The following ABHD10 variants were observed in gnomAD, a reference collection of about 807,000 sequenced individuals.
The protein encoded by ABHD10 is abhydrolase domain containing 10, depalmitoylase, also known as palmitoyl-protein thioesterase ABHD10, mitochondrial.
Under a neutral mutation model 33.1 loss-of-function variants are expected in ABHD10, and 22 were observed. That is an observed-to-expected ratio of 0.66 (90% CI 0.47 to 0.95). The LOEUF is 0.95. ABHD10 is among the 40% of genes least tolerant of loss of function. ABHD10 has a pLI of 0.00. For synonymous variants in ABHD10, 146 were observed against 133.9 expected (o/e 1.09, Z -0.62); for missense variants, 352 against 379.9 (o/e 0.93, Z 0.61).
chr3:111,979,280 T>A, intron 1 of ABHD10, 77 bp downstream of exon 1: 1 of 1,471,672 alleles, frequency 6.8e-7, no homozygotes, highest in Non-Finnish European at 9.1e-7. Flanking sequence ...GCCTGTGCAG[T>A]GCGTCTTTGG....
chr3:111,990,401 G>A (rs936173075), intron 4 of ABHD10, among the ~76,000 whole-genome samples: 1 of 151,894 alleles, frequency 6.6e-6, no homozygotes, highest in Admixed American at 6.6e-5. Context: ...ATATTGGAAG[G>A]AAATAAGCCA....
Position 111,981,953 on chromosome 3 carries a change from T to A in ABHD10, c.312T>A (p.Gly104=). 6.4e-7 allele frequency: 1 copy of A among 1,560,308 alleles called. No homozygotes were observed. Among genetic ancestry groups the A allele is most frequent in the Non-Finnish European group, 8.8e-7 (1 of 1,141,930 alleles). ...TTGAGGAGTTTTGCAAATCTCTAGG[T>A]CACGCCTGCATAAGGTAGGAACAAC... ...LAIEEFCKSL[G]HACIRFDYSG... Residue 104 remains glycine (G), a synonymous_variant, in exon 2 of 5, where the codon GGT becomes GGA. Coordinates refer to ENST00000273359, the MANE Select transcript of ABHD10 (RefSeq NM_018394.4).
Position 111,991,539 on chromosome 3 carries a change from A to C in ABHD10, c.739A>C (p.Met247Leu). The C allele has an allele frequency of 6.2e-7, 1 of 1,614,150 alleles. No homozygotes were observed. The highest frequency in any genetic ancestry group is 1.7e-5 in the Admixed American group (1 of 60,024). Reference protein sequence around the residue: ...VNCPIRLLHGMKDDIVPWHTS... With the variant: ...VNCPIRLLHGLKDDIVPWHTS... Reference sequence around the variant, plus strand: ...CTGCCCCATAAGATTGCTCCATGGCATGAAGGATGACATTGTACCTTGGCA... The same window carrying C: ...CTGCCCCATAAGATTGCTCCATGGCCTGAAGGATGACATTGTACCTTGGCA... Residue 247 changes from methionine to leucine, a missense_variant, in exon 5 of 5, where the codon ATG becomes CTG. Physicochemically the swap from Met to Leu is conservative, Grantham distance 15. Coordinates refer to ENST00000273359, the MANE Select transcript of ABHD10 (RefSeq NM_018394.4).
chr3:111,990,631 G>A (rs1576069495), intron 4 of ABHD10: 4 of 621,044 alleles, frequency 6.4e-6, no homozygotes, highest in East Asian at 3.3e-5. Flanking sequence ...TTATTGTTTG[G>A]CTTTCAGGAA....
intron 4 of ABHD10, 82 bp from the exon 5 acceptor site, chr3:111,991,295 C>T: frequency 1.7e-6 from 2 of 1,188,342 alleles, no homozygotes; most frequent in Non-Finnish European, 2.4e-6. Context: ...GAACTGCTTT[C>T]ATTAGATTAC....
intron 4 of ABHD10, among the ~76,000 whole-genome samples, chr3:111,989,766 A>G (rs1352221684): frequency 6.6e-6 from 1 of 152,030 alleles, no homozygotes; most frequent in Non-Finnish European, 1.5e-5. Context: ...GTAGAATTTC[A>G]TTAATTTTAA....
intron 2 of ABHD10, among the ~76,000 whole-genome samples, chr3:111,985,354 A>G (rs1399815443): frequency 1.3e-5 from 2 of 152,202 alleles, no homozygotes; most frequent in African/African-American, 4.8e-5. Flanking sequence ...CTGAGCCTAG[A>G]TAACTAGGAA....
At chr3:111,988,942 G>A (rs1437790668) in intron 4 of ABHD10, among the ~76,000 whole-genome samples, 1 of 152,006 alleles carries the variant, frequency 6.6e-6, no homozygotes, top group Non-Finnish European at 1.5e-5. Context: ...GTGAGCATAG[G>A]GTAGATACTT....
chr3:111,990,896 T>A (rs1375711783), intron 4 of ABHD10: 2 of 411,152 alleles, frequency 4.9e-6, no homozygotes, highest in Non-Finnish European at 8.4e-6. Context: ...ATCTAAACAA[T>A]GTTTATTCTA....
intron 4 of ABHD10, among the ~76,000 whole-genome samples, chr3:111,987,638 C>G (rs575837159): frequency 2.0e-5 from 3 of 152,056 alleles, no homozygotes; most frequent in Non-Finnish European, 2.9e-5. Context: ...ACAATGTAAG[C>G]GCTATGTAAA....
chr3:111,986,314 C>A lies in ABHD10; in HGVS notation c.377C>A (p.Thr126Lys), dbSNP rs1262238199. ...GSSDGNSEESTLGKWRKDVLS... is the reference protein window; with the variant it reads ...GSSDGNSEESKLGKWRKDVLS... ...TCAGATGGTAACTCAGAGGAAAGCACACTGGGGAAATGGAGAAAAGATGTT... is the reference window on the plus strand; with the variant it reads ...TCAGATGGTAACTCAGAGGAAAGCAAACTGGGGAAATGGAGAAAAGATGTT... The change falls in exon 3 of 5, where the codon ACA becomes AAA. Residue 126 changes from threonine to lysine, a missense_variant. By Grantham distance (78) the Thr-to-Lys change is moderately conservative. Coordinates refer to ENST00000273359, the MANE Select transcript of ABHD10 (RefSeq NM_018394.4). The A allele has an allele frequency of 1.2e-6, 2 of 1,613,960 alleles. No individual in the cohort carries two copies.
At chr3:111,982,944 T>A (rs1404059853) in intron 2 of ABHD10, among the ~76,000 whole-genome samples, 1 of 152,188 alleles carries the variant, frequency 6.6e-6, no homozygotes, top group Non-Finnish European at 1.5e-5. Context: ...ATTTTCATAC[T>A]CAGAACTATG....
chr3:111,985,185 G>C (rs1476041570), intron 2 of ABHD10, among the ~76,000 whole-genome samples: 1 of 152,168 alleles, frequency 6.6e-6, no homozygotes, highest in East Asian at 1.9e-4. Flanking sequence ...GCATGCTAAG[G>C]CTCTAAGTTA....
chr3:111,980,428 T>TTA (rs2072567746), intron 1 of ABHD10, among the ~76,000 whole-genome samples: 1 of 152,142 alleles, frequency 6.6e-6, no homozygotes, highest in African/African-American at 2.4e-5. Flanking sequence ...GCAGCACACA[T>TTA]GGATTCTCTT....
intron 1 of ABHD10, among the ~76,000 whole-genome samples, chr3:111,979,544 A>G (rs2072552674): frequency 6.6e-6 from 1 of 152,268 alleles, no homozygotes; most frequent in South Asian, 2.1e-4. Flanking sequence ...ACTTCTAGGA[A>G]TTTGTAGATT....
intron 4 of ABHD10, among the ~76,000 whole-genome samples, chr3:111,989,583 A>G (rs1046222822): frequency 6.6e-6 from 1 of 152,248 alleles, no homozygotes; most frequent in African/African-American, 2.4e-5. Context: ...ACTTCAGCTA[A>G]TAACCAGTGG....
intron 2 of ABHD10, among the ~76,000 whole-genome samples, chr3:111,983,612 T>G (rs570360537): frequency 9.2e-5 from 14 of 152,320 alleles, no homozygotes; most frequent in African/African-American, 3.4e-4. Flanking sequence ...TTATCTTCTA[T>G]TCTCTAATTT....
At chr3:111,981,550 G>A (rs574250277) in intron 1 of ABHD10, among the ~76,000 whole-genome samples, 2 of 152,252 alleles carry the variant, frequency 1.3e-5, no homozygotes, top group South Asian at 2.1e-4. Context: ...TATTTTGGAA[G>A]AATCAAGATT....
intron 2 of ABHD10, among the ~76,000 whole-genome samples, chr3:111,983,265 A>G (rs1474889616): frequency 6.6e-6 from 1 of 152,134 alleles, no homozygotes; most frequent in Non-Finnish European, 1.5e-5. Flanking sequence ...GTGCTGTCCA[A>G]GGAGGGGGAC....
Sources: allele counts gnomAD v4.1 joint callset (sites outside exome capture counted in the v4.1 genomes callset), GRCh38; gene constraint gnomAD v4.1.1; transcripts MANE v1.5; gene names NCBI Gene and HGNC (gene_info 2026-07-23, HGNC 2026-07-21).